CDC42SE2: variants seen among roughly 807,000 people sequenced by gnomAD.
The protein encoded by CDC42SE2 is CDC42 small effector 2.
In CDC42SE2, 3 loss-of-function variants were observed where a neutral mutation model predicts 11.5. The observed-to-expected ratio is 0.26, with a 90% CI of 0.12 to 0.67. CDC42SE2 has a LOEUF of 0.67. Ranked by LOEUF, CDC42SE2 falls within the 30% of genes least tolerant of loss-of-function variation. CDC42SE2 has a pLI of 0.80. For missense variants in CDC42SE2, 82 were observed against 106.8 expected (o/e 0.77, Z 1.02); for synonymous variants, 33 against 34.8 (o/e 0.95, Z 0.18).
upstream of CDC42SE2, among the ~76,000 whole-genome samples, chr5:131,241,661 C>T (rs993308558): frequency 6.6e-6 from 1 of 152,054 alleles, no homozygotes. Flanking sequence ...ACCCCCTTCT[C>T]ACCTCCCAGA....
chr5:131,288,056 C>A (rs1206495453), intron 1 of CDC42SE2, among the ~76,000 whole-genome samples: 1 of 151,832 alleles, frequency 6.6e-6, no homozygotes, highest in Non-Finnish European at 1.5e-5. Flanking sequence ...CCGGCCTGGG[C>A]AAAATAGTGA....
In CDC42SE2 at chr5:131,343,386, G is replaced by A. The variant is rs749740282; in HGVS notation, c.-285-15823G>A. 2.0e-5 allele frequency among the ~76,000 whole-genome samples: 3 copies of A among 152,202 alleles called. No individual in the cohort carries two copies. In the South Asian group the frequency reaches 6.2e-4, roughly 32 times the overall value. Reference sequence around the variant, plus strand: ...CAGCATCATTATTTCTAACTCTAGGGAGCTAAGGAAGAGTTTAGGGAATAT... The same window carrying A: ...CAGCATCATTATTTCTAACTCTAGGAAGCTAAGGAAGAGTTTAGGGAATAT... On this transcript the variant is annotated intron_variant, in intron 2 of 4. Transcript: ENST00000505065.
At chr5:131,337,927 G>A (rs926336139) in intron 2 of CDC42SE2, among the ~76,000 whole-genome samples, 3 of 152,196 alleles carry the variant, frequency 2.0e-5, no homozygotes, top group East Asian at 1.9e-4. Context: ...GGGGTGAGGC[G>A]ATGCCTCGCC....
intron 4 of CDC42SE2, among the ~76,000 whole-genome samples, chr5:131,389,437 C>A (rs540217355): frequency 7.6e-4 from 115 of 152,280 alleles, no homozygotes; most frequent in Middle Eastern, 3.4e-3. Context: ...AATGTGATGT[C>A]ATACGAATAA....
At chr5:131,317,430 G>C (rs1758063562) in intron 2 of CDC42SE2, among the ~76,000 whole-genome samples, 1 of 152,080 alleles carries the variant, frequency 6.6e-6, no homozygotes, top group African/African-American at 2.4e-5. Flanking sequence ...CATAATTCAG[G>C]AATAATTTGT....
Position 131,363,415 on chromosome 5 carries a change from C to T in CDC42SE2, c.54+3868C>T, listed in dbSNP as rs369050501. Reference sequence around the variant, plus strand: ...TTTTGAGACGGAGTTTTGCTCTTGTCGCCTAGGCTGGAGTGCAATGGTGCG... The same window carrying T: ...TTTTGAGACGGAGTTTTGCTCTTGTTGCCTAGGCTGGAGTGCAATGGTGCG... On this transcript the variant is annotated intron_variant, in intron 3 of 4. Transcript: ENST00000505065. Among the ~76,000 whole-genome samples, 11 of 152,088 alleles carry T rather than the reference C, an allele frequency of 7.2e-5. No individual in the cohort carries two copies. In the East Asian group the frequency reaches 7.7e-4, roughly 11 times the overall value.
chr5:131,348,521 G>T (rs1758913878), intron 2 of CDC42SE2, among the ~76,000 whole-genome samples: 1 of 152,156 alleles, frequency 6.6e-6, no homozygotes, highest in South Asian at 2.1e-4. Flanking sequence ...AACATTCCAT[G>T]CTCATGGATA....
intron 1 of CDC42SE2, among the ~76,000 whole-genome samples, chr5:131,247,900 C>A (rs1378572849): frequency 6.6e-6 from 1 of 152,050 alleles, no homozygotes; most frequent in African/African-American, 2.4e-5. Flanking sequence ...CTTGGCCTCC[C>A]AAAGTCTGGG....
chr5:131,217,932 T>C, the CDC42SE2 span, among the ~76,000 whole-genome samples: 21 of 152,098 alleles, frequency 1.4e-4, no homozygotes, highest in Admixed American at 1.2e-3. Flanking sequence ...CTCAGCACTT[T>C]GAGAGGCCGA....
chr5:131,256,664 T>A (rs910851692), intron 2 of CDC42SE2, among the ~76,000 whole-genome samples: 3 of 152,170 alleles, frequency 2.0e-5, no homozygotes, highest in African/African-American at 7.2e-5. Context: ...AGGACTGAGG[T>A]TCTGTTTCCT....
At chr5:131,288,657 G>A (rs1757390317) in intron 1 of CDC42SE2, among the ~76,000 whole-genome samples, 1 of 152,142 alleles carries the variant, frequency 6.6e-6, no homozygotes, top group Non-Finnish European at 1.5e-5. Context: ...ACTGGGCCTG[G>A]TAGATTCTTC....
At chr5:131,366,788 C>T (rs1318536558) in intron 3 of CDC42SE2, among the ~76,000 whole-genome samples, 1 of 152,096 alleles carries the variant, frequency 6.6e-6, no homozygotes, top group Admixed American at 6.5e-5. Context: ...CTTTGGGAGG[C>T]TGAGGCGGGA....
the CDC42SE2 span, among the ~76,000 whole-genome samples, chr5:131,218,081 T>C: frequency 6.9e-6 from 1 of 144,090 alleles, no homozygotes; most frequent in Non-Finnish European, 1.5e-5. Flanking sequence ...GAGGCTGAGG[T>C]AGGAGGATCA....
chr5:131,363,744 G>C (rs1281870545), intron 3 of CDC42SE2, among the ~76,000 whole-genome samples: 1 of 137,862 alleles, frequency 7.3e-6, no homozygotes, highest in Non-Finnish European at 1.5e-5. Context: ...CTCCCAAGCT[G>C]GAGTGCAGTG....
chr5:131,315,892 A>G (rs1269506872), intron 1 of CDC42SE2, 84 bp from the exon 2 acceptor site: 1 of 152,222 alleles, frequency 6.6e-6, no homozygotes, highest in Admixed American at 6.5e-5. Flanking sequence ...TTCAGTCTTT[A>G]TATGGATCAG....
intron 1 of CDC42SE2, among the ~76,000 whole-genome samples, chr5:131,287,196 T>C (rs895706519): frequency 9.2e-5 from 14 of 152,094 alleles, no homozygotes; most frequent in Admixed American, 8.5e-4. Context: ...GGTTTCACCA[T>C]GTTGGCCATG....
At chr5:131,351,348 G>A (rs1412933909) in intron 2 of CDC42SE2, among the ~76,000 whole-genome samples, 1 of 151,994 alleles carries the variant, frequency 6.6e-6, no homozygotes, top group Non-Finnish European at 1.5e-5. Flanking sequence ...TTTGCCTCCC[G>A]GGTTCACGCC....
intron 1 of CDC42SE2, among the ~76,000 whole-genome samples, chr5:131,307,120 G>C (rs926706293): frequency 1.3e-5 from 2 of 151,286 alleles, no homozygotes; most frequent in African/African-American, 2.4e-5. Context: ...CATTGTGCAG[G>C]TTAGTTACAT....
chr5:131,366,665 C>A (rs1749865965), intron 3 of CDC42SE2, among the ~76,000 whole-genome samples: 1 of 151,840 alleles, frequency 6.6e-6, no homozygotes, highest in Non-Finnish European at 1.5e-5. Context: ...GTGACATCAG[C>A]AAAAGTAATA....
Sources: allele counts gnomAD v4.1 joint callset (sites outside exome capture counted in the v4.1 genomes callset), GRCh38; gene constraint gnomAD v4.1.1; transcripts MANE v1.5; gene names NCBI Gene and HGNC (gene_info 2026-07-23, HGNC 2026-07-21).